Variants in RABL2A observed in about 807,000 individuals in gnomAD.
RABL2A encodes rab-like protein 2A.
RABL2A carries 17 observed loss-of-function variants against 30.7 expected under a neutral mutation model. That is an observed-to-expected ratio of 0.55 (90% CI 0.38 to 0.83). The LOEUF (loss-of-function observed/expected upper bound fraction) is 0.83, where lower values mean the gene tolerates loss of function less well. Ranked by LOEUF, RABL2A falls within the 40% of genes least tolerant of loss-of-function variation. The probability of loss-of-function intolerance (pLI) is 0.00; values close to 1 mark genes in which losing one functional copy is unlikely to be tolerated. For missense variants in RABL2A, 155 were observed against 272.6 expected (o/e 0.57, Z 3.04); for synonymous variants, 64 against 101.8 (o/e 0.63, Z 2.24).
intron 2 of RABL2A, among the ~76,000 whole-genome samples, chr2:113,630,168 C>T (rs1250550076): frequency 6.6e-6 from 1 of 152,190 alleles, no homozygotes; most frequent in Non-Finnish European, 1.5e-5. Flanking sequence ...ATAACATTGG[C>T]CTCCACAGAC....
At chr2:113,638,057 G>A (rs554049399) in intron 5 of RABL2A, 1 of 985,308 alleles carries the variant, frequency 1.0e-6, no homozygotes, top group Non-Finnish European at 1.2e-6. Flanking sequence ...ATTCTAGCCA[G>A]TTCCTCCTCA....
chr2:113,640,026 G>T (rs1409116109), intron 5 of RABL2A: 1 of 151,842 alleles, frequency 6.6e-6, no homozygotes, highest in African/African-American at 2.4e-5. Flanking sequence ...AAATTAATGC[G>T]TGCGTGCTAC....
Position 113,633,937 on chromosome 2 carries a change from C to G in RABL2A, c.138-216C>G, listed in dbSNP as rs997707844. ...ACCTCAGACTTCGATGGCCAGGACA[C>G]ACTCTCATCTCCTCCCACCCCTCAC... On this transcript the variant is annotated intron_variant, in intron 3 of 8. Transcript: ENST00000683472. 7 of 1,031,570 alleles carry G rather than the reference C, an allele frequency of 6.8e-6. No homozygotes were observed. The South Asian group carries it at 9.9e-5, about 15-fold the overall frequency. The allele number at this position is 1,031,570 out of a possible 1,614,324, so 63.9% of individuals were successfully genotyped here.
At chr2:113,631,453 T>TC (rs1680313459) in intron 2 of RABL2A, among the ~76,000 whole-genome samples, 2 of 152,040 alleles carry the variant, frequency 1.3e-5, no homozygotes, top group Admixed American at 6.6e-5. Flanking sequence ...GGTCCCAAGC[T>TC]CTCATTATCC....
intron 5 of RABL2A, among the ~76,000 whole-genome samples, chr2:113,635,750 C>T (rs2922399): frequency 2.6e-4 from 39 of 152,268 alleles, no homozygotes; most frequent in African/African-American, 8.9e-4. Flanking sequence ...TCCCTGGCTG[C>T]GTTCTCAGGC....
Position 113,635,133 on chromosome 2 carries a change from A to T in RABL2A, c.297+3A>T, listed in dbSNP as rs375316415. 2.5e-6 allele frequency: 4 copies of T among 1,614,096 alleles called. No homozygotes were observed. Among genetic ancestry groups the T allele is most frequent in the Non-Finnish European group, 3.4e-6 (4 of 1,180,010 alleles). Reference sequence around the variant, plus strand: ...ACAAGGCCCATGCCTGCATCATGGTACGAGACGGTGGGGAGGTGGACAAAG... The same window carrying T: ...ACAAGGCCCATGCCTGCATCATGGTTCGAGACGGTGGGGAGGTGGACAAAG... On this transcript the variant is annotated splice_donor_region_variant and intron_variant, in intron 5 of 8. Coordinates refer to ENST00000683472, the MANE Select transcript of RABL2A (RefSeq NM_001306158.2).
intron 3 of RABL2A, chr2:113,633,568 C>T (rs1423175630): frequency 2.1e-5 from 4 of 194,622 alleles, no homozygotes; most frequent in Non-Finnish European, 4.3e-5. Context: ...GTTACTCCAC[C>T]TTGTACCAAG....
intron 6 of RABL2A, 39 bp from the exon 7 acceptor site, chr2:113,641,314 C>T (rs771289584): frequency 7.4e-6 from 12 of 1,613,544 alleles, no homozygotes; most frequent in Admixed American, 3.3e-5. Context: ...ACCTTCTTCC[C>T]TTCCCTTGAC....
At chr2:113,630,312 T>G (rs1679836240) in intron 2 of RABL2A, among the ~76,000 whole-genome samples, 1 of 152,170 alleles carries the variant, frequency 6.6e-6, no homozygotes, top group African/African-American at 2.4e-5. Flanking sequence ...GTGGTTCAGT[T>G]TTGATTGGAC....
intron 5 of RABL2A, chr2:113,637,243 C>G (rs1409585899): frequency 2.4e-6 from 1 of 414,126 alleles, no homozygotes; most frequent in African/African-American, 2.1e-5. Context: ...TCATGCTCTT[C>G]CCTCAGCCTC....
At chr2:113,638,624 T>C in intron 5 of RABL2A, 1 of 863,694 alleles carries the variant, frequency 1.2e-6, no homozygotes, top group Middle Eastern at 6.0e-4. Context: ...TCCCAGTACT[T>C]TGGGAGGCCT....
chr2:113,634,071 A>G, intron 3 of RABL2A, 82 bp from the exon 4 acceptor site: 5 of 1,526,886 alleles, frequency 3.3e-6, no homozygotes, highest in Non-Finnish European at 4.4e-6. Context: ...GAGAGGATCC[A>G]TTTCATCAAA....
intron 4 of RABL2A, chr2:113,634,711 G>C (rs1025646643): frequency 4.6e-6 from 2 of 438,640 alleles, no homozygotes; most frequent in South Asian, 4.2e-5. Context: ...GTCATCGCAC[G>C]TGAGAAGTTG....
At chr2:113,635,241 G>A (rs1170113944) in intron 5 of RABL2A, 111 bp downstream of exon 5, 2 of 1,082,644 alleles carry the variant, frequency 1.8e-6, no homozygotes, top group South Asian at 1.3e-5. Context: ...GTGGGAGGGG[G>A]GCTTAGGGTC....
In RABL2A at chr2:113,634,193, A is replaced by G; in HGVS notation, c.178A>G (p.Lys60Glu). Residue 60 changes from lysine (K) to glutamate (E), a missense_variant, in exon 4 of 9, where the codon AAG (lysine) becomes GAG (glutamate). This residue lies in a region of RABL2A where 82 missense variants were observed against 103.2 expected (regional missense o/e 0.79). Transcript: ENST00000683472. ...GTCCACGTACGCCCTGACCCTGTACAAGCACACAGCCACGGTAGATGGCAA... is the reference window on the plus strand; with the variant it reads ...GTCCACGTACGCCCTGACCCTGTACGAGCACACAGCCACGGTAGATGGCAA... ...QLSTYALTLY[K>E]HTATVDGKTI... is the part of the protein sequence containing the mutation. 1 of 1,613,020 alleles carries G rather than the reference A, an allele frequency of 6.2e-7. No individual in the cohort carries two copies. The highest frequency in any genetic ancestry group is 8.5e-7 in the Non-Finnish European group (1 of 1,179,464).
intron 5 of RABL2A, chr2:113,635,469 C>A (rs1156459973): frequency 2.5e-6 from 1 of 393,736 alleles, no homozygotes; most frequent in East Asian, 6.2e-5. Context: ...AGGCCTCCCT[C>A]CACTGTTGCC....
intron 4 of RABL2A, 74 bp downstream of exon 4, chr2:113,634,306 G>A: frequency 6.4e-7 from 1 of 1,556,930 alleles, no homozygotes; most frequent in Non-Finnish European, 8.7e-7. Context: ...GTGAGGCAAG[G>A]TTCATAAGGA....
At chr2:113,637,459 C>T (rs950309683) in intron 5 of RABL2A, 14 of 1,106,790 alleles carry the variant, frequency 1.3e-5, no homozygotes, top group African/African-American at 8.1e-5. Flanking sequence ...GAAAGACACA[C>T]GTGCTGCCCC....
rs539987547 is a variant in RABL2A, at chr2:113,642,915, C to T, written c.*786C>T. 3.8e-5 allele frequency: 12 copies of T among 315,474 alleles called. No individual in the cohort carries two copies. Among genetic ancestry groups the T allele is most frequent in the Admixed American group, 3.4e-4 (7 of 20,744 alleles). 19.5% of individuals were successfully genotyped at this position (315,474 alleles called of 1,614,324 possible). ...TGCTGGGATTACAGGCATGAGCCAC[C>T]GCGCCCGGCCCCAATCATCTGTTTT... On this transcript the variant is annotated 3_prime_UTR_variant, in exon 9 of 9. Coordinates refer to ENST00000683472, the MANE Select transcript of RABL2A (RefSeq NM_001306158.2).
Sources: allele counts gnomAD v4.1 joint callset (sites outside exome capture counted in the v4.1 genomes callset), GRCh38; gene constraint gnomAD v4.1.1; regional missense constraint gnomAD v4.1.1; transcripts MANE v1.5; gene names NCBI Gene and HGNC (gene_info 2026-07-23, HGNC 2026-07-21).